The following RNF150 variants were observed in gnomAD, a reference collection of about 807,000 sequenced individuals.
The protein encoded by RNF150 is ring finger protein 150.
Under a neutral mutation model 39.3 loss-of-function variants are expected in RNF150, and 24 were observed. The ratio of observed to expected loss-of-function variants is 0.61; its 90% confidence interval spans 0.44 to 0.86. RNF150 has a LOEUF of 0.86. RNF150 is among the 40% of genes least tolerant of loss of function. The pLI is 0.00. For synonymous variants in RNF150, 255 were observed against 227.3 expected (o/e 1.12, Z -1.10); for missense variants, 502 against 587.8 (o/e 0.85, Z 1.51).
intron 5 of RNF150, among the ~76,000 whole-genome samples, chr4:140,913,314 C>T (rs1203365717): frequency 6.6e-6 from 1 of 152,246 alleles, no homozygotes; most frequent in East Asian, 1.9e-4. Context: ...CCTCTTCTCC[C>T]AAGGAAGGAA....
At chr4:140,918,193 G>C (rs567305653) in intron 5 of RNF150, among the ~76,000 whole-genome samples, 34 of 152,200 alleles carry the variant, frequency 2.2e-4, no homozygotes, top group African/African-American at 7.9e-4. Flanking sequence ...ACTAAAATCA[G>C]AGCAGAACTG....
At chr4:141,137,416 A>T (rs975085228), upstream of RNF150, among the ~76,000 whole-genome samples, 1 of 152,210 alleles carries the variant, frequency 6.6e-6, no homozygotes, top group African/African-American at 2.4e-5. Flanking sequence ...AAGTGATTCG[A>T]TCCTCAATAT....
intron 4 of RNF150, among the ~76,000 whole-genome samples, chr4:140,939,606 TTGTGTG>T (rs142516967): frequency 0.019 from 2,645 of 138,498 alleles, 19 homozygotes; most frequent in Admixed American, 0.044. Flanking sequence ...CAAGTGGAGT[TTGTGTG>T]TGTGTGTGTG....
At chr4:140,916,196 A>G (rs1465510547) in intron 5 of RNF150, among the ~76,000 whole-genome samples, 1 of 152,224 alleles carries the variant, frequency 6.6e-6, no homozygotes, top group East Asian at 1.9e-4. Context: ...CTGGACGGAG[A>G]ATGACTTTGA....
At chr4:140,969,182 T>C (rs2111427179) in intron 1 of RNF150, among the ~76,000 whole-genome samples, 1 of 152,308 alleles carries the variant, frequency 6.6e-6, no homozygotes, top group Admixed American at 6.5e-5. Context: ...CCTTGATCTC[T>C]GTGCAGGTTT....
chr4:140,920,728 A>T (rs1731084422), intron 5 of RNF150, among the ~76,000 whole-genome samples: 1 of 152,164 alleles, frequency 6.6e-6, no homozygotes, highest in Non-Finnish European at 1.5e-5. Context: ...CTATAAAGAC[A>T]CATGCACACA....
At chr4:140,949,497 A>C (rs751833509) in intron 2 of RNF150, 125 bp from the exon 3 acceptor site, 16 of 730,012 alleles carry the variant, frequency 2.2e-5, no homozygotes, top group Admixed American at 4.4e-5. Context: ...AATGCTAGCA[A>C]TGACGACTAG....
chr4:140,883,303 T>G (rs946030888), intron 6 of RNF150, among the ~76,000 whole-genome samples: 1 of 152,192 alleles, frequency 6.6e-6, no homozygotes, highest in Non-Finnish European at 1.5e-5. Flanking sequence ...GTACCACCAT[T>G]ACAGTATTTA....
At chr4:141,104,895 G>C (rs1031394496) in intron 1 of RNF150, among the ~76,000 whole-genome samples, 1 of 151,068 alleles carries the variant, frequency 6.6e-6, no homozygotes, top group Non-Finnish European at 1.5e-5. Context: ...TGATGAGGCT[G>C]TCTCTCTCTC....
At chr4:141,140,456 G>A (rs1727100430) in intron 1 of RNF150, among the ~76,000 whole-genome samples, 1 of 152,138 alleles carries the variant, frequency 6.6e-6, no homozygotes, top group South Asian at 2.1e-4. Flanking sequence ...TGAGACTTGA[G>A]CCAAAACCCA....
chr4:140,867,333 C>G lies in RNF150; in HGVS notation c.*928G>C, dbSNP rs144848762. 67 of 152,282 alleles carry G rather than the reference C, an allele frequency of 4.4e-4. 1 individual carries two copies. The highest frequency in any genetic ancestry group is 1.4e-3 in the African/African-American group (60 of 41,564). The allele number at this position is 152,282 out of a possible 1,614,324, so 9.4% of individuals were successfully genotyped here. A position where few individuals can be genotyped will look rare whatever the true frequency, so the allele number is the denominator to read the frequency against. On this transcript the variant is annotated 3_prime_UTR_variant, in exon 7 of 7. Transcript: ENST00000515673. ...AAAACTGTTCTAGCCCAGGGGAAAC[C>G]AATGCAACTGGCATTTTGTTTTCAA... is the stretch of plus-strand genomic sequence containing the variant.
Position 140,864,372 on chromosome 4 carries a change from A to T in RNF150, c.*3889T>A, listed in dbSNP as rs1325890377. The T allele has an allele frequency of 6.6e-6, 1 of 152,222 alleles. No individual in the cohort carries two copies. The highest frequency in any genetic ancestry group is 6.5e-5 in the Admixed American group (1 of 15,284). The allele number at this position is 152,222 out of a possible 1,614,324, so 9.4% of individuals were successfully genotyped here. A position where few individuals can be genotyped will look rare whatever the true frequency, so the allele number is the denominator to read the frequency against. ...GCTCTTCCAAAGGGACTAGCCACAT[A>T]GGAGGTAGCAGTTCCTAAAGGTGAC... is the stretch of plus-strand genomic sequence containing the variant. On this transcript the variant is annotated 3_prime_UTR_variant, in exon 7 of 7. Coordinates refer to ENST00000515673, the MANE Select transcript of RNF150 (RefSeq NM_020724.2).
chr4:141,106,367 A>AAT (rs1739208144), intron 1 of RNF150, among the ~76,000 whole-genome samples: 1 of 152,230 alleles, frequency 6.6e-6, no homozygotes, highest in South Asian at 2.1e-4. Flanking sequence ...CCACTAAGTA[A>AAT]ATATATACAC....
chr4:140,907,359 A>C (rs932592086), intron 6 of RNF150, among the ~76,000 whole-genome samples: 1 of 152,232 alleles, frequency 6.6e-6, no homozygotes, highest in Admixed American at 6.5e-5. Context: ...TCTTTCTTCT[A>C]ATGTCAGACT....
chr4:141,125,870 A>G (rs1264999257), intron 1 of RNF150, among the ~76,000 whole-genome samples: 1 of 152,214 alleles, frequency 6.6e-6, no homozygotes, highest in Non-Finnish European at 1.5e-5. Context: ...AGAAGACAGA[A>G]GGTAAGTTTC....
intron 4 of RNF150, among the ~76,000 whole-genome samples, chr4:140,935,057 TATATATA>T (rs1731804928): frequency 8.9e-5 from 3 of 33,798 alleles, no homozygotes; most frequent in Admixed American, 5.5e-4. Context: ...ATATATATAT[TATATATA>T]TATAATATAT....
chr4:140,999,990 AG>A lies in RNF150; in HGVS notation c.485-32118del, dbSNP rs1560678747. Among the ~76,000 whole-genome samples, 27 of 30,512 alleles carry A rather than the reference AG, an allele frequency of 8.8e-4. 4 individuals are homozygous for A. Among genetic ancestry groups the A allele is most frequent in the African/African-American group, 1.7e-3 (26 of 15,332 alleles). The allele number at this position is 30,512 out of a possible 152,430, so 20.0% of individuals were successfully genotyped here. A position where few individuals can be genotyped will look rare whatever the true frequency, so the allele number is the denominator to read the frequency against. Reference sequence around the variant, plus strand: ...AGAAGAAGAAGAAAAGAAGAAAAGAAGAAAAGAAGAAGAAGAAGAAGAAGAA... The same window carrying A: ...AGAAGAAGAAGAAAAGAAGAAAAGAAAAAAGAAGAAGAAGAAGAAGAAGAA... On this transcript the variant is annotated intron_variant, in intron 1 of 6. Coordinates refer to ENST00000515673, the MANE Select transcript of RNF150 (RefSeq NM_020724.2).
intron 6 of RNF150, among the ~76,000 whole-genome samples, chr4:140,906,826 C>T (rs1730395629): frequency 1.3e-5 from 2 of 152,076 alleles, no homozygotes; most frequent in Admixed American, 1.3e-4. Flanking sequence ...TCCCTCTAGT[C>T]TGAGATGGAA....
chr4:141,055,828 A>C (rs1736944188), intron 1 of RNF150, among the ~76,000 whole-genome samples: 1 of 152,228 alleles, frequency 6.6e-6, no homozygotes, highest in Non-Finnish European at 1.5e-5. Context: ...AAGAAAATCC[A>C]GCTATACAGG....
Sources: gnomAD v4.1 joint callset for allele counts (sites outside exome capture counted in the v4.1 genomes callset) on GRCh38, gnomAD v4.1.1 for gene constraint, MANE v1.5 for transcripts, NCBI Gene and HGNC (gene_info 2026-07-23, HGNC 2026-07-21) for gene names.